Variants in DLC1 observed in about 807,000 individuals in gnomAD.
The protein encoded by DLC1 is rho GTPase-activating protein 7.
DLC1 carries 54 observed loss-of-function variants against 140.3 expected under a neutral mutation model. The ratio of observed to expected loss-of-function variants is 0.38; its 90% CI spans 0.31 to 0.48. The LOEUF (loss-of-function observed/expected upper bound fraction) is 0.48. Among genes scored for constraint, DLC1 ranks in the 20% least tolerant of loss-of-function variants. DLC1 has a pLI of 0.96. For missense variants in DLC1, 2,536 were observed against 1,907.0 expected (o/e 1.33, Z -6.14); for synonymous variants, 986 against 728.1 (o/e 1.35, Z -5.70).
At chr8:13,360,378 T>C (rs1037980743) in intron 4 of DLC1, among the ~76,000 whole-genome samples, 9 of 152,180 alleles carry the variant, frequency 5.9e-5, no homozygotes, top group African/African-American at 2.2e-4. Flanking sequence ...CATATATTGG[T>C]ATTATAAAAG....
intron 2 of DLC1, among the ~76,000 whole-genome samples, chr8:13,457,903 A>G (rs1475093932): frequency 6.6e-6 from 1 of 152,086 alleles, no homozygotes; most frequent in Non-Finnish European, 1.5e-5. Flanking sequence ...AATAGCTGAA[A>G]AGAGAAGTTA....
intron 2 of DLC1, among the ~76,000 whole-genome samples, chr8:13,405,968 TC>T (rs1563320893): frequency 7.3e-6 from 1 of 137,018 alleles, no homozygotes; most frequent in Non-Finnish European, 1.6e-5. Context: ...TTTCTTTCTT[TC>T]TTTCATCTCT....
chr8:13,377,959 A>AT (rs1836076346), intron 4 of DLC1, among the ~76,000 whole-genome samples: 2 of 151,606 alleles, frequency 1.3e-5, no homozygotes, highest in East Asian at 3.9e-4. Flanking sequence ...ACATGTTTTT[A>AT]TCAAAGAATA....
At chr8:13,500,624 AAAGCCACC>A (rs1377432512) in intron 1 of DLC1, among the ~76,000 whole-genome samples, 1 of 152,236 alleles carries the variant, frequency 6.6e-6, no homozygotes. Context: ...AATCACAGCG[AAAGCCACC>A]AGGGAACTGT....
chr8:13,183,778 T>G (rs1390500604), intron 5 of DLC1, among the ~76,000 whole-genome samples: 1 of 152,138 alleles, frequency 6.6e-6, no homozygotes, highest in Non-Finnish European at 1.5e-5. Context: ...TAAAATTCTC[T>G]TTTTTTGTTG....
At chr8:13,295,404 G>T (rs757982277) in intron 5 of DLC1, among the ~76,000 whole-genome samples, 1 of 152,034 alleles carries the variant, frequency 6.6e-6, no homozygotes, top group Non-Finnish European at 1.5e-5. Context: ...CAGTAGTCAG[G>T]ACAAAATAGT....
chr8:13,205,210 C>T (rs1489948310), intron 5 of DLC1, among the ~76,000 whole-genome samples: 3 of 152,162 alleles, frequency 2.0e-5, no homozygotes, highest in African/African-American at 7.2e-5. Flanking sequence ...GTAAGAATAG[C>T]TGGACTTACT....
chr8:13,175,348 GT>G (rs1825703595), intron 5 of DLC1, among the ~76,000 whole-genome samples: 2 of 145,112 alleles, frequency 1.4e-5, no homozygotes, highest in South Asian at 4.4e-4. Flanking sequence ...ATTCAGGCTC[GT>G]TTTTGGTTTG....
intron 5 of DLC1, among the ~76,000 whole-genome samples, chr8:13,203,609 C>T (rs996875262): frequency 6.6e-6 from 1 of 152,202 alleles, no homozygotes; most frequent in African/African-American, 2.4e-5. Context: ...ACTAGTTTTC[C>T]ATCCTCTCTT....
At chr8:13,542,166 G>C (rs939309976) in intron 1 of DLC1, among the ~76,000 whole-genome samples, 3 of 152,012 alleles carry the variant, frequency 2.0e-5, no homozygotes, top group Admixed American at 2.0e-4. Flanking sequence ...TTTTTTGTTT[G>C]TTTCCTTTCA....
chr8:13,110,530 T>C (rs1287366004), intron 7 of DLC1, among the ~76,000 whole-genome samples: 6 of 152,156 alleles, frequency 3.9e-5, no homozygotes, highest in African/African-American at 1.4e-4. Flanking sequence ...GTGTGAGTAC[T>C]TCCTAGGACA....
chr8:13,083,880 G>C lies in DLC1; in HGVS notation c.*1931C>G, dbSNP rs555020623. ...TTTGCAATCTGTGGTTTTAAGGGTG[G>C]GAGTGAGATGCAATATTAAGGAAGG... On this transcript the variant is annotated 3_prime_UTR_variant, in exon 18 of 18. Coordinates refer to ENST00000276297, the MANE Select transcript of DLC1 (RefSeq NM_182643.3). 2.0e-5 allele frequency: 3 copies of C among 152,538 alleles called. No homozygotes were observed. Among genetic ancestry groups the C allele is most frequent in the African/African-American group, 7.2e-5 (3 of 41,414 alleles). The allele number at this position is 152,538 out of a possible 1,614,324, so 9.4% of individuals were successfully genotyped here.
chr8:13,477,009 G>C lies in DLC1; in HGVS notation c.1023+22040C>G, dbSNP rs150856826. ...ACATCAACCTTACTGAAAACAGAGA[G>C]TTGTATGGTGGATTGTGGCTTAGGG... On this transcript the variant is annotated intron_variant, in intron 2 of 17. Transcript: ENST00000276297. 5.1e-3 allele frequency among the ~76,000 whole-genome samples: 780 copies of C among 152,242 alleles called. 7 individuals are homozygous for C. The highest frequency in any genetic ancestry group is 0.018 in the African/African-American group (752 of 41,552).
intron 5 of DLC1, among the ~76,000 whole-genome samples, chr8:13,123,742 G>A (rs1004914062): frequency 6.6e-6 from 1 of 152,040 alleles, no homozygotes; most frequent in African/African-American, 2.4e-5. Flanking sequence ...GCTCCAAAAG[G>A]GCAAGCTTCT....
chr8:13,233,754 T>C (rs1377031034), intron 5 of DLC1, among the ~76,000 whole-genome samples: 1 of 152,242 alleles, frequency 6.6e-6, no homozygotes, highest in Non-Finnish European at 1.5e-5. Flanking sequence ...CACAATGTTT[T>C]GATATTTGGA....
At chr8:13,140,771 A>G (rs1438348719) in intron 5 of DLC1, among the ~76,000 whole-genome samples, 1 of 152,194 alleles carries the variant, frequency 6.6e-6, no homozygotes, top group Non-Finnish European at 1.5e-5. Context: ...AGTTTTTCCT[A>G]TAGGGCTTGA....
chr8:13,467,673 A>G (rs1800003432), intron 2 of DLC1, among the ~76,000 whole-genome samples: 6 of 152,098 alleles, frequency 3.9e-5, no homozygotes, highest in Admixed American at 3.9e-4. Context: ...TGAGGCTGCA[A>G]TGAGGTATGA....
At chr8:13,176,204 C>G (rs977685166) in intron 5 of DLC1, among the ~76,000 whole-genome samples, 2 of 152,044 alleles carry the variant, frequency 1.3e-5, no homozygotes, top group Non-Finnish European at 2.9e-5. Flanking sequence ...TTTTTCATTT[C>G]TTCTCCATTT....
At chr8:13,317,391 G>T (rs372976715) in intron 4 of DLC1, among the ~76,000 whole-genome samples, 23 of 152,182 alleles carry the variant, frequency 1.5e-4, no homozygotes, top group African/African-American at 5.1e-4. Context: ...GACATAGCAT[G>T]GTTAACTGAA....
Sources: allele counts gnomAD v4.1 joint callset (sites outside exome capture counted in the v4.1 genomes callset), GRCh38; gene constraint gnomAD v4.1.1; transcripts MANE v1.5; gene names NCBI Gene and HGNC (gene_info 2026-07-23, HGNC 2026-07-21).